Variants in CACNA1S observed in about 807,000 individuals in gnomAD.
The protein encoded by CACNA1S is voltage-dependent L-type calcium channel subunit alpha-1S.
Under a neutral mutation model 207.4 loss-of-function variants are expected in CACNA1S, and 126 were observed. The observed-to-expected ratio is 0.61, with a 90% CI of 0.53 to 0.70. The LOEUF (loss-of-function observed/expected upper bound fraction) is 0.70, where lower values mean the gene tolerates loss of function less well. Ranked by LOEUF, CACNA1S falls within the 30% of genes least tolerant of loss-of-function variation. CACNA1S has a pLI of 0.00. For missense variants in CACNA1S, 2,349 were observed against 2,422.8 expected (o/e 0.97, Z 0.64); for synonymous variants, 960 against 932.7 (o/e 1.03, Z -0.53).
chr1:201,074,726 G>T, intron 13 of CACNA1S, 106 bp from the exon 14 acceptor site: 2 of 745,130 alleles, frequency 2.7e-6, no homozygotes, highest in East Asian at 5.4e-5. Context: ...CACTCTCCCA[G>T]AGCTACCCAT....
At chr1:201,050,363 G>A (rs1410864888) in intron 34 of CACNA1S, 26 bp downstream of exon 34, 1 of 1,613,492 alleles carries the variant, frequency 6.2e-7, no homozygotes, top group South Asian at 1.1e-5. Context: ...GGAGGGCCCA[G>A]CACAGAGCCT....
chr1:201,059,122 T>C, intron 27 of CACNA1S, 67 bp downstream of exon 27: 1 of 977,006 alleles, frequency 1.0e-6, no homozygotes, highest in Non-Finnish European at 1.6e-6. Flanking sequence ...TGGGGGTGGA[T>C]GTTCCACTGG....
intron 2 of CACNA1S, among the ~76,000 whole-genome samples, chr1:201,108,427 G>A (rs866113230): frequency 6.6e-6 from 1 of 152,114 alleles, no homozygotes; most frequent in Admixed American, 6.6e-5. Context: ...TATCCTCCAA[G>A]GTGGGGCAGA....
intron 10 of CACNA1S, among the ~76,000 whole-genome samples, chr1:201,079,131 AAC>A (rs1491065459): frequency 1.3e-5 from 2 of 150,242 alleles, no homozygotes; most frequent in Admixed American, 6.6e-5. Context: ...AAAAAAAAAA[AAC>A]AAAAAAACCC....
chr1:201,102,180 G>C (rs1250239546), intron 2 of CACNA1S, among the ~76,000 whole-genome samples: 1 of 152,144 alleles, frequency 6.6e-6, no homozygotes, highest in Non-Finnish European at 1.5e-5. Flanking sequence ...GGGGGAGGAG[G>C]GGGTCCTCCT....
intron 42 of CACNA1S, 28 bp from the exon 43 acceptor site, chr1:201,040,402 C>G (rs765957541): frequency 6.2e-7 from 1 of 1,610,806 alleles, no homozygotes; most frequent in South Asian, 1.1e-5. Flanking sequence ...AAGCAAAGAC[C>G]CCGACAGGGG....
chr1:201,050,333 C>T (rs144201552), intron 34 of CACNA1S, 56 bp downstream of exon 34: 406 of 1,599,408 alleles, frequency 2.5e-4, no homozygotes, highest in South Asian at 2.9e-4. Flanking sequence ...CCCTGTGAGA[C>T]GGTAGGAAGG....
At chr1:201,088,452 C>T (rs1465251035) in intron 6 of CACNA1S, among the ~76,000 whole-genome samples, 1 of 152,198 alleles carries the variant, frequency 6.6e-6, no homozygotes, top group Non-Finnish European at 1.5e-5. Flanking sequence ...TCCTAATACA[C>T]ACTTACAATA....
At chr1:201,080,031 C>A (rs543250975) in intron 10 of CACNA1S, among the ~76,000 whole-genome samples, 1 of 152,224 alleles carries the variant, frequency 6.6e-6, no homozygotes, top group East Asian at 1.9e-4. Flanking sequence ...GATGAAACAG[C>A]GAGTCATTGA....
Position 201,053,801 on chromosome 1 carries a change from G to A in CACNA1S, c.3667-214C>T, listed in dbSNP as rs951860108. ...TCAGCTGGGAGGCAGGGAAGAGGAC[G>A]TGGGGCACCAGGCAGCGTGGTGAAG... On this transcript the variant is annotated intron_variant, in intron 29 of 43. Coordinates refer to ENST00000362061, the MANE Select transcript of CACNA1S (RefSeq NM_000069.3). The surrounding 1 kb of genome is among the most constrained non-coding windows in gnomAD (Gnocchi z 5.1). 2.6e-4 allele frequency among the ~76,000 whole-genome samples: 40 copies of A among 152,194 alleles called. No homozygotes were observed. The highest frequency in any genetic ancestry group is 8.9e-4 in the African/African-American group (37 of 41,448).
At chr1:201,091,314 T>C (rs1414827951) in intron 5 of CACNA1S, among the ~76,000 whole-genome samples, 2 of 152,180 alleles carry the variant, frequency 1.3e-5, no homozygotes, top group Admixed American at 6.5e-5. Flanking sequence ...AATGTACACA[T>C]AGAAATTCAA....
At chr1:201,058,933 C>G (rs186544329) in intron 27 of CACNA1S, among the ~76,000 whole-genome samples, 76 of 152,332 alleles carry the variant, frequency 5.0e-4, no homozygotes, top group Middle Eastern at 3.4e-3. Flanking sequence ...TCAGAAACTT[C>G]AGAGCAGGCG....
intron 7 of CACNA1S, 81 bp downstream of exon 7, chr1:201,087,745 C>G: frequency 1.3e-6 from 1 of 771,546 alleles, no homozygotes. Context: ...TGTTTCTTTT[C>G]CCTCCGTTCC....
chr1:201,049,608 T>C (rs1395104112), intron 34 of CACNA1S, among the ~76,000 whole-genome samples: 2 of 152,192 alleles, frequency 1.3e-5, no homozygotes, highest in Non-Finnish European at 2.9e-5. Context: ...CTTGTGAGTG[T>C]TGCCTGAGAA....
At chr1:201,110,377 C>G in intron 1 of CACNA1S, 108 bp from the exon 2 acceptor site, 1 of 947,146 alleles carries the variant, frequency 1.1e-6, no homozygotes, top group Non-Finnish European at 1.7e-6. Flanking sequence ...TGCCAGGCTG[C>G]TGGACAGGCT....
At chr1:201,109,243 C>CAAAA (rs56739161) in intron 2 of CACNA1S, among the ~76,000 whole-genome samples, 1 of 118,564 alleles carries the variant, frequency 8.4e-6, no homozygotes, top group African/African-American at 3.1e-5. Context: ...GACTCTGTCT[C>CAAAA]AAAAAAAAAA....
At chr1:201,100,248 A>T (rs1662599158) in intron 2 of CACNA1S, among the ~76,000 whole-genome samples, 2 of 152,154 alleles carry the variant, frequency 1.3e-5, no homozygotes, top group African/African-American at 4.8e-5. Flanking sequence ...TGTTTCACAG[A>T]GGTTGGAAGT....
rs767120843 is a variant in CACNA1S at position 201,040,294 on chromosome 1, G to C, written c.5307C>G (p.Ser1769Arg). The change falls in exon 43 of 44, where the codon AGC (serine) becomes AGG (arginine). Residue 1769 changes from serine to arginine, a missense_variant. Transcript: ENST00000362061. ...TGGAAGTATTCTCCCTGGTGCTCCT[G>C]CTGTGGGGTGTCTCCTCATGAAGAG... ...PGSLHEETPH[S>R]RSTRENTSRC... 6.2e-7 allele frequency: 1 copy of C among 1,613,870 alleles called. No individual in the cohort carries two copies. Among genetic ancestry groups the C allele is most frequent in the East Asian group, 2.2e-5 (1 of 44,886 alleles).
intron 36 of CACNA1S, among the ~76,000 whole-genome samples, chr1:201,048,108 C>T (rs1011233839): frequency 1.3e-5 from 2 of 152,228 alleles, no homozygotes; most frequent in African/African-American, 4.8e-5. Context: ...GAGCTTGATA[C>T]AGTGTGAGCC....
Sources: allele counts gnomAD v4.1 joint callset (sites outside exome capture counted in the v4.1 genomes callset), GRCh38; gene constraint gnomAD v4.1.1; non-coding constraint Gnocchi (gnomAD v3.1); transcripts MANE v1.5; gene names NCBI Gene and HGNC (gene_info 2026-07-23, HGNC 2026-07-21).